The following AVIL variants were observed in gnomAD, a reference collection of about 807,000 sequenced individuals.
AVIL encodes the protein advillin.
AVIL carries 78 observed loss-of-function variants against 109.9 expected under a neutral mutation model. The ratio of observed to expected loss-of-function variants is 0.71; its 90% CI spans 0.59 to 0.86. The LOEUF is 0.86. Ranked by LOEUF, AVIL falls within the 40% of genes least tolerant of loss-of-function variation. The pLI, the probability that AVIL is intolerant of heterozygous loss-of-function variation, is 0.00. For synonymous variants in AVIL, 367 were observed against 379.1 expected (o/e 0.97, Z 0.37); for missense variants, 892 against 1,016.5 (o/e 0.88, Z 1.67).
intron 18 of AVIL, 116 bp from the exon 19 acceptor site, chr12:57,800,036 T>C: frequency 7.5e-7 from 1 of 1,336,640 alleles, no homozygotes; most frequent in Non-Finnish European, 1.0e-6. Flanking sequence ...CCCTCTGTAA[T>C]CATCTTTGAT....
chr12:57,800,185 G>T, intron 18 of AVIL: 1 of 348,478 alleles, frequency 2.9e-6, no homozygotes, highest in Non-Finnish European at 5.3e-6. Flanking sequence ...TACATCTTGT[G>T]TCTGGATCTC....
rs1410509437 is a variant in AVIL at position 57,813,382 on chromosome 12, G to A, written c.183C>T (p.Phe61=). The A allele has an allele frequency of 6.2e-7, 1 of 1,614,170 alleles. No individual in the cohort carries two copies. Among genetic ancestry groups the A allele is most frequent in the Admixed American group, 1.7e-5 (1 of 60,030 alleles). Residue 61 remains phenylalanine (F), a synonymous_variant, in exon 4 of 20, where the codon TTC becomes TTT. Transcript: ENST00000549994. ...VASLLSQDIH[F]WIGKDSSQDE... ...CCTGGGAGGAGTCCTTCCCGATCCA[G>A]AAGTGGATGTCCTGGGATAGGAGAC...
At position 57,797,934 on chromosome 12, in the gene AVIL, G is replaced by A. The variant is rs1406467456; in HGVS notation, c.2408C>T (p.Ala803Val). 6.2e-7 allele frequency: 1 copy of A among 1,612,696 alleles called. No individual in the cohort carries two copies. Among genetic ancestry groups the A allele is most frequent in the Non-Finnish European group, 8.5e-7 (1 of 1,179,228 alleles). The change falls in exon 20 of 20, where the codon GCT (alanine) becomes GTT (valine). Residue 803 changes from alanine to valine, a missense_variant. By Grantham distance (64) the Ala-to-Val change is moderately conservative. Coordinates refer to ENST00000549994, the MANE Select transcript of AVIL (RefSeq NM_006576.4). ...VFGITRGQFA[A>V]LPGWKQLQMK... The stretch of plus-strand genomic sequence containing the variant: ...TTGGAGCTGTTTCCAGCCAGGCAGA[G>A]CTGCAAATTGCCCTCTTGTGATGCC...
At chr12:57,802,406 G>A (rs1244919450) in intron 16 of AVIL, 58 bp from the exon 17 acceptor site, 61 of 1,518,082 alleles carry the variant, frequency 4.0e-5, no homozygotes, top group Non-Finnish European at 5.5e-5. Flanking sequence ...CTAAGTACTA[G>A]ATCATACACA....
intron 17 of AVIL, 35 bp downstream of exon 17, chr12:57,802,125 C>G: frequency 6.2e-7 from 1 of 1,607,332 alleles, no homozygotes; most frequent in East Asian, 2.2e-5. Context: ...AGCTACCTGG[C>G]AGGAAGTTAG....
At chr12:57,816,622 T>A (rs752805166) in intron 1 of AVIL, among the ~76,000 whole-genome samples, 1 of 151,370 alleles carries the variant, frequency 6.6e-6, no homozygotes, top group Non-Finnish European at 1.5e-5. Context: ...TCTCTCACTC[T>A]CATTCCAATT....
chr12:57,802,766 C>T lies in AVIL; in HGVS notation c.1963-418G>A, dbSNP rs1239729858. The T allele has an allele frequency of 8.5e-6, 5 of 587,854 alleles. No individual in the cohort carries two copies. The Admixed American group carries it at 9.4e-5, about 11-fold the overall frequency. The allele number at this position is 587,854 out of a possible 1,614,324, so 36.4% of individuals were successfully genotyped here. ...AGAAGCCTGAGAGTTTCCTAGAAACCCCCCATATCCAATGAGTCACCAGGG... is the reference window on the plus strand; with the variant it reads ...AGAAGCCTGAGAGTTTCCTAGAAACTCCCCATATCCAATGAGTCACCAGGG... On this transcript the variant is annotated intron_variant, in intron 16 of 19. Transcript: ENST00000549994.
intron 19 of AVIL, 56 bp from the exon 20 acceptor site, chr12:57,798,051 AGAAGTTGAG>A: frequency 7.3e-7 from 1 of 1,372,576 alleles, no homozygotes; most frequent in Non-Finnish European, 1.0e-6. Flanking sequence ...CATTGCCAAC[AGAAGTTGAG>A]GAAGTTGGAG....
intron 5 of AVIL, 23 bp downstream of exon 5, chr12:57,810,996 G>A: frequency 1.2e-6 from 2 of 1,613,968 alleles, no homozygotes; most frequent in Non-Finnish European, 8.5e-7. Flanking sequence ...CCGGGCCTGG[G>A]GCAGAGAGTG....
chr12:57,809,498 G>A, intron 9 of AVIL, 99 bp downstream of exon 9: 4 of 1,379,984 alleles, frequency 2.9e-6, no homozygotes, highest in South Asian at 1.2e-5. Flanking sequence ...TAAGCACAAT[G>A]TTATATGCTC....
At chr12:57,808,772 T>C in intron 9 of AVIL, 2 of 542,698 alleles carry the variant, frequency 3.7e-6, no homozygotes, top group Non-Finnish European at 6.5e-6. Flanking sequence ...GCGGTGATTA[T>C]GGTTGTTAAT....
At chr12:57,802,410 A>G (rs1459882152) in intron 16 of AVIL, 62 bp from the exon 17 acceptor site, 1 of 1,510,454 alleles carries the variant, frequency 6.6e-7, no homozygotes, top group Non-Finnish European at 9.0e-7. Context: ...GTACTAGATC[A>G]TACACATTAC....
At chr12:57,801,306 G>C in intron 17 of AVIL, 94 bp from the exon 18 acceptor site, 1 of 984,640 alleles carries the variant, frequency 1.0e-6, no homozygotes, top group South Asian at 1.4e-5. Flanking sequence ...AAGCAAAAGA[G>C]CCAGGGAGTC....
chr12:57,808,627 A>C, intron 9 of AVIL, 79 bp from the exon 10 acceptor site: 1 of 1,510,108 alleles, frequency 6.6e-7, no homozygotes, highest in Non-Finnish European at 9.0e-7. Context: ...ATTCACCTCT[A>C]TGAAGCCACA....
At chr12:57,818,180 GGCTTT>G (rs1956119636) in intron 1 of AVIL, among the ~76,000 whole-genome samples, 1 of 73,356 alleles carries the variant, frequency 1.4e-5, no homozygotes, top group Non-Finnish European at 2.9e-5. Flanking sequence ...CACCATGCTT[GGCTTT>G]TTTTTTTTTT....
chr12:57,802,845 C>T, intron 16 of AVIL: 1 of 563,120 alleles, frequency 1.8e-6, no homozygotes, highest in Non-Finnish European at 3.1e-6. Flanking sequence ...TCCCTCCATC[C>T]CTACTCCACT....
chr12:57,803,794 C>G (rs961942063), intron 14 of AVIL, 125 bp from the exon 15 acceptor site: 45 of 1,311,530 alleles, frequency 3.4e-5, no homozygotes, highest in Non-Finnish European at 4.3e-5. Context: ...GTCCCTCAGC[C>G]TGGGAAGACA....
chr12:57,797,772 C>G lies in AVIL; in HGVS notation c.*110G>C. ...CCGTGATTTGCAGACTCTATTATAT[C>G]TAAATTAAGTAGCTGAATGTCAGGC... On this transcript the variant is annotated 3_prime_UTR_variant, in exon 20 of 20. Coordinates refer to ENST00000549994, the MANE Select transcript of AVIL (RefSeq NM_006576.4). 2.2e-6 allele frequency: 2 copies of G among 902,016 alleles called. No homozygotes were observed. Among genetic ancestry groups the G allele is most frequent in the Non-Finnish European group, 3.1e-6 (2 of 640,974 alleles). 55.9% of individuals were successfully genotyped at this position (902,016 alleles called of 1,614,324 possible).
intron 2 of AVIL, among the ~76,000 whole-genome samples, chr12:57,815,357 T>C (rs1481178138): frequency 6.6e-6 from 1 of 152,196 alleles, no homozygotes; most frequent in Non-Finnish European, 1.5e-5. Context: ...CCCCTCCTGG[T>C]TGAGGATAGT....
Sources: allele counts gnomAD v4.1 joint callset (sites outside exome capture counted in the v4.1 genomes callset), GRCh38; gene constraint gnomAD v4.1.1; transcripts MANE v1.5; gene names NCBI Gene and HGNC (gene_info 2026-07-23, HGNC 2026-07-21).